The following EPG5 variants were observed in gnomAD, a reference collection of about 807,000 sequenced individuals.
EPG5 encodes the protein ectopic P granules protein 5 homolog.
Under a neutral mutation model 302.7 loss-of-function variants are expected in EPG5, and 159 were observed. The observed-to-expected ratio is 0.53, with a 90% CI of 0.46 to 0.60. EPG5 has a LOEUF of 0.60. EPG5 is among the 20% of genes least tolerant of loss of function. EPG5 has a pLI of 0.00. For missense variants in EPG5, 2,896 were observed against 3,092.4 expected (o/e 0.94, Z 1.51); for synonymous variants, 1,158 against 1,136.8 (o/e 1.02, Z -0.37).
chr18:45,964,727 G>A (rs1241425190), intron 1 of EPG5, among the ~76,000 whole-genome samples: 1 of 152,100 alleles, frequency 6.6e-6, no homozygotes, highest in Admixed American at 6.5e-5. Context: ...CAGCACTGTG[G>A]GAGGCCGAGG....
intron 16 of EPG5, among the ~76,000 whole-genome samples, chr18:45,920,550 C>A (rs184836284): frequency 7.9e-4 from 121 of 152,340 alleles, no homozygotes; most frequent in Middle Eastern, 3.4e-3. Flanking sequence ...CCTCAGGCTG[C>A]GTCCACACAT....
chr18:45,810,587 C>G, the EPG5 span, among the ~76,000 whole-genome samples: 1 of 152,126 alleles, frequency 6.6e-6, no homozygotes, highest in African/African-American at 2.4e-5. Context: ...CCAAGGCTAG[C>G]CTGGCTAACA....
Position 45,877,075 on chromosome 18 carries a change from C to T in EPG5, c.5943-733G>A, listed in dbSNP as rs542564529. 7.2e-5 allele frequency among the ~76,000 whole-genome samples: 11 copies of T among 152,218 alleles called. No individual in the cohort carries two copies. In the South Asian group the frequency reaches 8.3e-4, roughly 11 times the overall value. ...CTGGGTTTACAGGCATGAGCCACCA[C>T]GCCTGGCCCAGAGAAATTCTTTATA... is the stretch of plus-strand genomic sequence containing the variant. On this transcript the variant is annotated intron_variant, in intron 34 of 43. Transcript: ENST00000282041.
At chr18:45,920,265 G>A (rs1045874072) in intron 16 of EPG5, among the ~76,000 whole-genome samples, 4 of 152,204 alleles carry the variant, frequency 2.6e-5, no homozygotes, top group African/African-American at 7.2e-5. Flanking sequence ...AGTCAATGAG[G>A]AGCAGGGGAG....
chr18:45,886,839 G>GT, intron 29 of EPG5, among the ~76,000 whole-genome samples: 1 of 152,098 alleles, frequency 6.6e-6, no homozygotes, highest in East Asian at 1.9e-4. Flanking sequence ...TGTATTTATA[G>GT]TAGAGGCAGG....
At chr18:45,805,649 A>C in the EPG5 span, among the ~76,000 whole-genome samples, 1 of 152,178 alleles carries the variant, frequency 6.6e-6, no homozygotes, top group African/African-American at 2.4e-5. Flanking sequence ...CCCACTTTGA[A>C]TATAATTATA....
chr18:45,814,812 GGTT>G, the EPG5 span, among the ~76,000 whole-genome samples: 2 of 152,292 alleles, frequency 1.3e-5, no homozygotes, highest in Middle Eastern at 3.4e-3. Flanking sequence ...GCATGATATT[GGTT>G]GTTCTTGTTC....
rs764923663 is a variant in EPG5, at chr18:45,955,011, T to G, written c.391A>C (p.Lys131Gln). The G allele has an allele frequency of 3.7e-6, 6 of 1,614,198 alleles. No homozygotes were observed. Among genetic ancestry groups the G allele is most frequent in the Non-Finnish European group, 4.2e-6 (5 of 1,180,024 alleles). ...KVHPGDNVGT[K>Q]VETPKNFTEV... ...GTGAAGTTCTTGGGGGTTTCTACTT[T>G]AGTTCCAACATTGTCTCCAGGGTGG... is the stretch of plus-strand genomic sequence containing the variant. The change falls in exon 2 of 44, where the codon AAA (lysine) becomes CAA (glutamine). Residue 131 changes from lysine to glutamine, a missense_variant. By Grantham distance (53) the Lys-to-Gln change is moderately conservative. This residue lies in a region of EPG5 where 1,390 missense variants were observed against 1,430.0 expected (regional missense o/e 0.97). Transcript: ENST00000282041.
chr18:45,882,267 C>A lies in EPG5; in HGVS notation c.5518+7G>T, dbSNP rs1264216973. On this transcript the variant is annotated splice_region_variant and intron_variant, in intron 31 of 43. Coordinates refer to ENST00000282041, the MANE Select transcript of EPG5 (RefSeq NM_020964.3). ...CTAGTTAGTTACAATTAAATGAAGA[C>A]ACTTACTTTGCATAAGCAGCCTGAG... 1.9e-5 allele frequency: 30 copies of A among 1,605,914 alleles called. No individual in the cohort carries two copies. The highest frequency in any genetic ancestry group is 2.6e-5 in the Non-Finnish European group (30 of 1,172,760).
Position 45,879,045 on chromosome 18 carries a change from A to C in EPG5, c.5837T>G (p.Leu1946Trp). The change falls in exon 33 of 44, where the codon TTG becomes TGG. Residue 1946 changes from leucine (L) to tryptophan (W), a missense_variant. Leu to Trp is a moderately conservative substitution (Grantham distance 61, BLOSUM62 -2). Transcript: ENST00000282041. ...CCTGCTGGCAGTTGGGTCTTGGGCCAAACAGGTCATTTCTAAGTCAATCAG... is the reference window on the plus strand; with the variant it reads ...CCTGCTGGCAGTTGGGTCTTGGGCCCAACAGGTCATTTCTAAGTCAATCAG... The part of the protein sequence containing the change: ...KRLIDLEMTC[L>W]AQDPTASRKT... The C allele has an allele frequency of 6.2e-7, 1 of 1,614,188 alleles. No homozygotes were observed. Among genetic ancestry groups the C allele is most frequent in the Non-Finnish European group, 8.5e-7 (1 of 1,180,034 alleles).
chr18:45,951,017 G>T, intron 4 of EPG5, 85 bp downstream of exon 4: 2 of 1,137,982 alleles, frequency 1.8e-6, no homozygotes, highest in South Asian at 2.7e-5. Context: ...AAAAGTTGAA[G>T]ACCAAATGTA....
At chr18:45,920,132 C>T (rs1331041967) in intron 16 of EPG5, among the ~76,000 whole-genome samples, 1 of 152,232 alleles carries the variant, frequency 6.6e-6, no homozygotes, top group African/African-American at 2.4e-5. Flanking sequence ...CTTACCCACT[C>T]AGACACCTGA....
At chr18:45,896,916 A>G (rs1233820851) in intron 27 of EPG5, among the ~76,000 whole-genome samples, 1 of 152,246 alleles carries the variant, frequency 6.6e-6, no homozygotes, top group African/African-American at 2.4e-5. Context: ...AGCCATGTTC[A>G]CATCAGTCCT....
At chr18:45,897,356 T>C (rs1416049015) in intron 27 of EPG5, among the ~76,000 whole-genome samples, 1 of 152,252 alleles carries the variant, frequency 6.6e-6, no homozygotes, top group Non-Finnish European at 1.5e-5. Flanking sequence ...ATTAACAGTC[T>C]GGCAAAGATA....
intron 29 of EPG5, among the ~76,000 whole-genome samples, chr18:45,886,036 T>C (rs2049209783): frequency 6.6e-6 from 1 of 152,248 alleles, no homozygotes; most frequent in Non-Finnish European, 1.5e-5. Context: ...TGAGAGTTCC[T>C]AATGTTGGTT....
At chr18:45,832,787 C>T in the EPG5 span, among the ~76,000 whole-genome samples, 3 of 152,184 alleles carry the variant, frequency 2.0e-5, no homozygotes, top group Admixed American at 6.5e-5. Flanking sequence ...GTAAATGTCA[C>T]AGGATGCTGG....
chr18:45,943,060 C>T, intron 9 of EPG5, 101 bp downstream of exon 9: 1 of 1,167,020 alleles, frequency 8.6e-7, no homozygotes, highest in Non-Finnish European at 1.2e-6. Flanking sequence ...AGAAATAAGA[C>T]CTGAGGTTTA....
chr18:45,857,436 C>T (rs367856502), intron 42 of EPG5, among the ~76,000 whole-genome samples: 12 of 152,080 alleles, frequency 7.9e-5, no homozygotes, highest in Admixed American at 2.0e-4. Flanking sequence ...CCCAGCTTGA[C>T]GACTTTACAG....
the EPG5 span, among the ~76,000 whole-genome samples, chr18:45,835,516 A>T: frequency 1.3e-5 from 2 of 152,194 alleles, no homozygotes; most frequent in East Asian, 1.9e-4. Context: ...AGAAGAGAAA[A>T]AATAAAAGGC....
Sources: allele counts gnomAD v4.1 joint callset (sites outside exome capture counted in the v4.1 genomes callset), GRCh38; gene constraint gnomAD v4.1.1; regional missense constraint gnomAD v4.1.1; transcripts MANE v1.5; gene names NCBI Gene and HGNC (gene_info 2026-07-23, HGNC 2026-07-21).